The following CEP19 variants were observed in gnomAD, a reference collection of about 807,000 sequenced individuals.
The protein encoded by CEP19 is centrosomal protein 19.
Under a neutral mutation model 17.5 loss-of-function variants are expected in CEP19, and 14 were observed. That is an observed-to-expected ratio of 0.80 (90% CI 0.53 to 1.25). The LOEUF (loss-of-function observed/expected upper bound fraction) is 1.25. Among genes scored for constraint, CEP19 ranks in the 50% most tolerant of loss-of-function variants. The pLI, the probability that CEP19 is intolerant of heterozygous loss-of-function variation, is 0.00. For missense variants in CEP19, 193 were observed against 192.0 expected, an observed-to-expected ratio of 1.01 and a Z score of -0.03; for synonymous variants, 59 against 65.5, an observed-to-expected ratio of 0.90 and a Z score of 0.48.
chr3:196,708,492 T>C (rs1711605034), intron 2 of CEP19, 36 bp downstream of exon 2: 1 of 1,600,834 alleles, frequency 6.2e-7, no homozygotes, highest in Admixed American at 1.7e-5. Context: ...ATTTAGAGAA[T>C]ATTTAAGACA....
rs748925250 is a variant in CEP19, at chr3:196,707,610, G to C, written c.433C>G (p.Pro145Ala). ...CAGGACTGCAGTTGATCGTCCTGTG[G>C]AAATTCAACCTCAATGTCATAAACA... ...NFVYDIEVEF[P>A]QDDQLQSCGW... Residue 145 changes from proline to alanine, a missense_variant, in exon 3 of 3, where the codon CCA (proline) becomes GCA (alanine). Coordinates refer to ENST00000409690, the MANE Select transcript of CEP19 (RefSeq NM_032898.5). 7 of 1,613,662 alleles carry C rather than the reference G, an allele frequency of 4.3e-6. 1 individual carries two copies. In the Admixed American group the frequency reaches 5.0e-5, roughly 12 times the overall value.
intron 1 of CEP19, 118 bp from the exon 2 acceptor site, chr3:196,708,845 AT>A (rs79412711): frequency 2.8e-5 from 16 of 571,376 alleles, no homozygotes; most frequent in Non-Finnish European, 3.3e-5. Flanking sequence ...TGTGAAACTC[AT>A]TTTTTTTAAA....
At position 196,706,916 on chromosome 3, in the gene CEP19, A is replaced by G. The variant is rs1192637076; in HGVS notation, c.*635T>C. The G allele has an allele frequency of 6.6e-6, 1 of 151,690 alleles. No individual in the cohort carries two copies. The highest frequency in any genetic ancestry group is 1.5e-5 in the Non-Finnish European group (1 of 68,090). The allele number at this position is 151,690 out of a possible 1,614,324, so 9.4% of individuals were successfully genotyped here. A position where few individuals can be genotyped will look rare whatever the true frequency, so the allele number is the denominator to read the frequency against. On this transcript the variant is annotated 3_prime_UTR_variant, in exon 3 of 3. Coordinates refer to ENST00000409690, the MANE Select transcript of CEP19 (RefSeq NM_032898.5). ...CCTTACTATTCTACTCTACAGTAAT[A>G]TATGCTCTGGCCTTCTTTAGCCTTT...
At chr3:196,710,890 C>T (rs1304468878) in intron 1 of CEP19, among the ~76,000 whole-genome samples, 1 of 144,720 alleles carries the variant, frequency 6.9e-6, no homozygotes, top group Non-Finnish European at 1.5e-5. Context: ...AATTACTGTG[C>T]TCTACCTCTA....
At chr3:196,710,884 A>G (rs1222251058) in intron 1 of CEP19, among the ~76,000 whole-genome samples, 1 of 147,200 alleles carries the variant, frequency 6.8e-6, no homozygotes, top group Admixed American at 6.8e-5. Context: ...TTAAAAAATT[A>G]CTGTGCTCTA....
At position 196,707,836 on chromosome 3, in the gene CEP19, C is replaced by T; in HGVS notation, c.207G>A (p.Gln69=). The T allele has an allele frequency of 1.2e-6, 2 of 1,614,108 alleles. No homozygotes were observed. The highest frequency in any genetic ancestry group is 2.2e-5 in the South Asian group (2 of 91,082). The change falls in exon 3 of 3, where the codon CAG becomes CAA. Residue 69 remains glutamine (Q), a synonymous_variant. Coordinates refer to ENST00000409690, the MANE Select transcript of CEP19 (RefSeq NM_032898.5). ...GTAAAAAACTGAATAGCTTCTCTAGCTGCCTCAGGGATACTTGTTCTAGGT... is the reference window on the plus strand; with the variant it reads ...GTAAAAAACTGAATAGCTTCTCTAGTTGCCTCAGGGATACTTGTTCTAGGT... The part of the protein sequence containing the change: ...KSYLEQVSLR[Q]LEKLFSFLRG...
chr3:196,708,812 G>T, intron 1 of CEP19, 85 bp from the exon 2 acceptor site: 1 of 712,056 alleles, frequency 1.4e-6, no homozygotes, highest in Non-Finnish European at 2.3e-6. Context: ...TTCTAGTCCG[G>T]CTCTGGCCAC....
In CEP19 at chr3:196,712,224, C is replaced by A. The variant is rs1054086995; in HGVS notation, c.-366G>T. On this transcript the variant is annotated 5_prime_UTR_variant, in exon 1 of 3. Transcript: ENST00000409690. Reference sequence around the variant, plus strand: ...CAGGGATTCCAGGTCCCGGCGAGCGCTGGCCTAGCGGTTTCCACAGCGACA... The same window carrying A: ...CAGGGATTCCAGGTCCCGGCGAGCGATGGCCTAGCGGTTTCCACAGCGACA... 1 of 533,328 alleles carries A rather than the reference C, an allele frequency of 1.9e-6. No homozygotes were observed. Among genetic ancestry groups the A allele is most frequent in the Non-Finnish European group, 3.4e-6 (1 of 297,596 alleles). 33.0% of individuals were successfully genotyped at this position (533,328 alleles called of 1,614,324 possible).
intron 2 of CEP19, 37 bp from the exon 3 acceptor site, chr3:196,707,949 C>A: frequency 1.3e-6 from 2 of 1,576,070 alleles, no homozygotes; most frequent in Non-Finnish European, 1.7e-6. Context: ...CACATACGTA[C>A]CACGTACATC....
chr3:196,712,136 A>C lies in CEP19; in HGVS notation c.-278T>G. The C allele has an allele frequency of 1.7e-6, 1 of 587,110 alleles. No individual in the cohort carries two copies. The highest frequency in any genetic ancestry group is 3.1e-6 in the Non-Finnish European group (1 of 322,102). The allele number at this position is 587,110 out of a possible 1,614,324, so 36.4% of individuals were successfully genotyped here. ...CCCGGCGGGAGGCCCGAACCCTCAA[A>C]CACCGGGAAGCGGAGGTGGGGGCCG... is the stretch of plus-strand genomic sequence containing the variant. On this transcript the variant is annotated 5_prime_UTR_variant, in exon 1 of 3. Transcript: ENST00000409690.
At chr3:196,708,911 G>T (rs1711640164) in intron 1 of CEP19, 184 bp from the exon 2 acceptor site, 1 of 466,444 alleles carries the variant, frequency 2.1e-6, no homozygotes, top group Middle Eastern at 5.8e-4. Flanking sequence ...CAGGGGCCAT[G>T]CTGATCCTCT....
In CEP19 at chr3:196,707,592, G is replaced by T; in HGVS notation, c.451C>A (p.Gln151Lys). 6.2e-7 allele frequency: 1 copy of T among 1,612,766 alleles called. No homozygotes were observed. ...EVEFPQDDQL[Q>K]SCGWDTESAD... ...GACTCTGTGTCCCAGCCACAGGACT[G>T]CAGTTGATCGTCCTGTGGAAATTCA... Residue 151 changes from glutamine (Q) to lysine (K), a missense_variant, in exon 3 of 3, where the codon CAG becomes AAG. By Grantham distance (53) the Gln-to-Lys change is moderately conservative. Coordinates refer to ENST00000409690, the MANE Select transcript of CEP19 (RefSeq NM_032898.5).
intron 1 of CEP19, among the ~76,000 whole-genome samples, chr3:196,710,831 A>C: frequency 7.6e-6 from 1 of 131,866 alleles, no homozygotes; most frequent in Non-Finnish European, 1.6e-5. Flanking sequence ...AAAGCATGAT[A>C]CGCCTATTCT....
At chr3:196,711,361 T>C (rs1711768872) in intron 1 of CEP19, among the ~76,000 whole-genome samples, 2 of 152,144 alleles carry the variant, frequency 1.3e-5, no homozygotes, top group African/African-American at 2.4e-5. Context: ...AGTCTCCCTC[T>C]GTCGCCTAGG....
Position 196,711,940 on chromosome 3 carries a change from T to A in CEP19, c.-82A>T. ...GCTGGCTTTCTTACCCTTAGAGGAA[T>A]ACAGAAATGACATCGTCTGCAGGCC... On this transcript the variant is annotated 5_prime_UTR_variant, in exon 1 of 3. Coordinates refer to ENST00000409690, the MANE Select transcript of CEP19 (RefSeq NM_032898.5). The A allele has an allele frequency of 1.4e-6, 1 of 717,474 alleles. No homozygotes were observed. The highest frequency in any genetic ancestry group is 2.6e-6 in the Non-Finnish European group (1 of 385,064). 44.4% of individuals were successfully genotyped at this position (717,474 alleles called of 1,614,324 possible). A position where few individuals can be genotyped will look rare whatever the true frequency, so the allele number is the denominator to read the frequency against.
At chr3:196,711,800 C>T in intron 1 of CEP19, 129 bp downstream of exon 1, 1 of 687,736 alleles carries the variant, frequency 1.5e-6, no homozygotes, top group Non-Finnish European at 2.7e-6. Flanking sequence ...TACTCCTCTC[C>T]CCAGAGATCA....
intron 1 of CEP19, among the ~76,000 whole-genome samples, chr3:196,711,453 G>A (rs1199037885): frequency 6.6e-6 from 1 of 152,226 alleles, no homozygotes; most frequent in East Asian, 1.9e-4. Flanking sequence ...AGCCTCCCGA[G>A]TAGCTGGAAT....
chr3:196,708,197 TGAG>T (rs1458364629), intron 2 of CEP19, among the ~76,000 whole-genome samples: 1 of 152,204 alleles, frequency 6.6e-6, no homozygotes, highest in East Asian at 1.9e-4. Flanking sequence ...AGAATATGTC[TGAG>T]AAGAAAAGTG....
chr3:196,707,416 C>T lies in CEP19; in HGVS notation c.*135G>A, dbSNP rs965516745. The stretch of plus-strand genomic sequence containing the variant: ...CCTACATAGTAGATGCTTTAAATGT[C>T]CTGGTTTTGAAAAGTAACATGGTCA... On this transcript the variant is annotated 3_prime_UTR_variant, in exon 3 of 3. Transcript: ENST00000409690. 13 of 938,328 alleles carry T rather than the reference C, an allele frequency of 1.4e-5. No individual in the cohort carries two copies. The highest frequency in any genetic ancestry group is 3.3e-4 in the Middle Eastern group (1 of 2,996). The allele number at this position is 938,328 out of a possible 1,614,324, so 58.1% of individuals were successfully genotyped here. A position where few individuals can be genotyped will look rare whatever the true frequency, so the allele number is the denominator to read the frequency against.
Sources: allele counts gnomAD v4.1 joint callset (sites outside exome capture counted in the v4.1 genomes callset), GRCh38; gene constraint gnomAD v4.1.1; transcripts MANE v1.5; gene names NCBI Gene and HGNC (gene_info 2026-07-23, HGNC 2026-07-21).